Variants in TENM2 observed in about 807,000 individuals in gnomAD.
TENM2 encodes the protein teneurin-2.
A neutral mutation model predicts 245.2 loss-of-function variants in TENM2; 52 were observed. The ratio of observed to expected loss-of-function variants is 0.21; its 90% CI spans 0.17 to 0.27. The LOEUF is 0.27. TENM2 is among the 10% of genes least tolerant of loss of function. The pLI is 1.00. For missense variants in TENM2, 3,046 were observed against 3,666.8 expected, an observed-to-expected ratio of 0.83 and a Z score of 4.37; for synonymous variants, 1,363 against 1,438.9, an observed-to-expected ratio of 0.95 and a Z score of 1.19.
chr5:167,671,450 A>C (rs1014241176), intron 2 of TENM2, among the ~76,000 whole-genome samples: 3 of 152,026 alleles, frequency 2.0e-5, no homozygotes, highest in African/African-American at 7.2e-5. Context: ...ACTTTATTGA[A>C]CTACACAGAC....
rs73803861 is a variant in TENM2 at position 168,048,079 on chromosome 5, T to C, written c.1309+530T>C. 4.2e-3 allele frequency among the ~76,000 whole-genome samples: 641 copies of C among 152,260 alleles called. 4 individuals are homozygous for C. Among genetic ancestry groups the C allele is most frequent in the African/African-American group, 0.015 (611 of 41,540 alleles). On this transcript the variant is annotated intron_variant, in intron 6 of 28. Transcript: ENST00000518659. ...CTTTGGGGGAGAATAGAAAGGAGTT[T>C]TGACAACTCGGCAACAAAGCTTCTC...
At chr5:167,073,411 G>T in the TENM2 span, among the ~76,000 whole-genome samples, 1 of 152,124 alleles carries the variant, frequency 6.6e-6, no homozygotes, top group Non-Finnish European at 1.5e-5. Context: ...AGTTGTGTTT[G>T]CATTGTTGAT....
intron 4 of TENM2, among the ~76,000 whole-genome samples, chr5:167,973,932 A>G (rs746314627): frequency 1.0e-4 from 15 of 150,480 alleles, no homozygotes; most frequent in Non-Finnish European, 1.9e-4. Context: ...GGGAGGATAC[A>G]CCAGAAAGGG....
the TENM2 span, among the ~76,000 whole-genome samples, chr5:166,994,528 G>A: frequency 6.6e-6 from 1 of 152,174 alleles, no homozygotes; most frequent in Admixed American, 6.5e-5. Context: ...CAGCCCCTAT[G>A]TCAAACTCTT....
intron 17 of TENM2, among the ~76,000 whole-genome samples, chr5:168,203,119 T>C (rs1446852020): frequency 6.6e-6 from 1 of 152,210 alleles, no homozygotes; most frequent in African/African-American, 2.4e-5. Flanking sequence ...TGAATCCCCA[T>C]GTAACTGGCA....
At chr5:167,092,860 C>A in the TENM2 span, among the ~76,000 whole-genome samples, 2 of 152,102 alleles carry the variant, frequency 1.3e-5, no homozygotes, top group Non-Finnish European at 2.9e-5. Flanking sequence ...GTAAGAGATA[C>A]AAATATCTTC....
chr5:167,852,557 C>T (rs1013560471), intron 2 of TENM2, among the ~76,000 whole-genome samples: 1 of 152,154 alleles, frequency 6.6e-6, no homozygotes, highest in Non-Finnish European at 1.5e-5. Flanking sequence ...TTTAACAAGA[C>T]AAGAATTTAG....
At chr5:167,094,769 T>C in the TENM2 span, among the ~76,000 whole-genome samples, 1 of 152,208 alleles carries the variant, frequency 6.6e-6, no homozygotes, top group East Asian at 1.9e-4. Flanking sequence ...TCTTTGCAAC[T>C]CTCAGATCCT....
chr5:168,148,917 A>T (rs1456605904), intron 12 of TENM2, among the ~76,000 whole-genome samples: 18 of 115,266 alleles, frequency 1.6e-4, no homozygotes, highest in East Asian at 4.1e-4. Flanking sequence ...ATAGATAGAT[A>T]GATTGATAGA....
chr5:167,821,782 A>C lies in TENM2; in HGVS notation c.503-54204A>C, dbSNP rs1052077782. On this transcript the variant is annotated intron_variant, in intron 2 of 28. Coordinates refer to ENST00000518659, the Ensembl canonical transcript of TENM2. The stretch of plus-strand genomic sequence containing the variant: ...TTTTGATGATTTCATTGAACTGGTA[A>C]GGAAAGGAGTACGTTCTTGTCTGAG... Among the ~76,000 whole-genome samples, 16 of 152,208 alleles carry C rather than the reference A, an allele frequency of 1.1e-4. No homozygotes were observed. In the East Asian group the frequency reaches 2.5e-3, roughly 24 times the overall value.
At chr5:167,583,636 T>G (rs962768615) in intron 2 of TENM2, among the ~76,000 whole-genome samples, 4 of 152,320 alleles carry the variant, frequency 2.6e-5, no homozygotes, top group Non-Finnish European at 5.9e-5. Context: ...AGATATTCCA[T>G]AAAAATTAAT....
chr5:167,915,768 C>G (rs1345620470), intron 3 of TENM2, among the ~76,000 whole-genome samples: 2 of 152,140 alleles, frequency 1.3e-5, no homozygotes, highest in African/African-American at 2.4e-5. Flanking sequence ...TTCTTTTTCC[C>G]TAGGAAAACA....
At chr5:167,148,612 A>G in the TENM2 span, among the ~76,000 whole-genome samples, 2 of 152,198 alleles carry the variant, frequency 1.3e-5, no homozygotes, top group Admixed American at 6.5e-5. Context: ...CCAGCCTGCT[A>G]CAATTCTTGC....
the TENM2 span, among the ~76,000 whole-genome samples, chr5:167,095,416 C>A: frequency 7.2e-5 from 11 of 151,984 alleles, no homozygotes; most frequent in Non-Finnish European, 1.6e-4. Flanking sequence ...GGAAGAGTGA[C>A]CAAGTGAAGA....
intron 2 of TENM2, among the ~76,000 whole-genome samples, chr5:167,676,885 T>G (rs1582723727): frequency 6.6e-6 from 1 of 152,122 alleles, no homozygotes. Context: ...ATGTGTTTTG[T>G]CATCAAGAAA....
At chr5:168,096,843 G>C (rs1194990253) in intron 8 of TENM2, among the ~76,000 whole-genome samples, 3 of 148,370 alleles carry the variant, frequency 2.0e-5, no homozygotes, top group Non-Finnish European at 4.5e-5. Flanking sequence ...AATGTATTTT[G>C]TTTTAAGACA....
chr5:167,302,754 G>A (rs1159370635), intron 1 of TENM2, among the ~76,000 whole-genome samples: 1 of 152,032 alleles, frequency 6.6e-6, no homozygotes, highest in Admixed American at 6.6e-5. Context: ...GCGGAGAAGG[G>A]GTATTGACAT....
intron 2 of TENM2, among the ~76,000 whole-genome samples, chr5:167,864,527 T>C (rs1316232187): frequency 1.3e-5 from 2 of 152,344 alleles, no homozygotes; most frequent in African/African-American, 4.8e-5. Flanking sequence ...AAAAGTTAGA[T>C]GACTTGCCCA....
At chr5:167,082,623 G>T in the TENM2 span, among the ~76,000 whole-genome samples, 27 of 152,214 alleles carry the variant, frequency 1.8e-4, no homozygotes, top group Admixed American at 1.5e-3. Context: ...TTTTGACACA[G>T]TTGTTACTTC....
Sources: allele counts gnomAD v4.1 joint callset (sites outside exome capture counted in the v4.1 genomes callset), GRCh38; gene constraint gnomAD v4.1.1; transcripts MANE v1.5; gene names NCBI Gene and HGNC (gene_info 2026-07-23, HGNC 2026-07-21).